Variants in SFT2D1 observed in about 807,000 individuals in gnomAD.
The protein encoded by SFT2D1 is vesicle transport protein SFT2A.
A neutral mutation model predicts 28.1 loss-of-function variants in SFT2D1; 24 were observed. The ratio of observed to expected loss-of-function variants is 0.85; its 90% CI spans 0.62 to 1.20. The LOEUF (loss-of-function observed/expected upper bound fraction) is 1.20, where lower values mean the gene tolerates loss of function less well. Ranked by LOEUF, SFT2D1 falls within the 50% of genes most tolerant of loss-of-function variation. The probability of loss-of-function intolerance (pLI) is 0.00; values close to 1 mark genes in which losing one functional copy is unlikely to be tolerated. For missense variants in SFT2D1, 181 were observed against 190.9 expected (o/e 0.95, Z 0.31); for synonymous variants, 82 against 73.7 (o/e 1.11, Z -0.58).
intron 4 of SFT2D1, 24 bp from the exon 5 acceptor site, chr6:166,326,191 T>C: frequency 6.2e-7 from 1 of 1,607,382 alleles, no homozygotes; most frequent in Non-Finnish European, 8.5e-7. Context: ...AAGAGTAGAT[T>C]ATAAGTTTGA....
chr6:166,324,796 A>G lies in SFT2D1; in HGVS notation c.352-201T>C, dbSNP rs1340451700. The G allele has an allele frequency of 7.3e-6, 4 of 548,462 alleles. 1 individual carries two copies. The South Asian group carries it at 1.0e-4, about 14-fold the overall frequency. 34.0% of individuals were successfully genotyped at this position (548,462 alleles called of 1,614,324 possible). Reference sequence around the variant, plus strand: ...ACATTTCCTTTCTAAAACTATATCCATTAATTTAAATACTGCAAAATATAT... The same window carrying G: ...ACATTTCCTTTCTAAAACTATATCCGTTAATTTAAATACTGCAAAATATAT... On this transcript the variant is annotated intron_variant, in intron 5 of 7. Coordinates refer to ENST00000361731, the MANE Select transcript of SFT2D1 (RefSeq NM_145169.3).
At chr6:166,324,869 T>C (rs1778416032) in intron 5 of SFT2D1, among the ~76,000 whole-genome samples, 1 of 152,244 alleles carries the variant, frequency 6.6e-6, no homozygotes, top group Non-Finnish European at 1.5e-5. Context: ...ACTGAAAACA[T>C]TAGACTTTTA....
intron 1 of SFT2D1, among the ~76,000 whole-genome samples, chr6:166,331,789 T>C (rs1385096098): frequency 3.9e-5 from 6 of 152,240 alleles, no homozygotes; most frequent in Non-Finnish European, 5.9e-5. Context: ...AATAAATGTA[T>C]ATAACTTTTA....
chr6:166,332,036 G>A (rs779867241), intron 1 of SFT2D1, among the ~76,000 whole-genome samples: 4 of 152,104 alleles, frequency 2.6e-5, no homozygotes, highest in Non-Finnish European at 5.9e-5. Flanking sequence ...GCCATCTTCC[G>A]TGTATTGATC....
At chr6:166,332,119 T>C (rs1369801311) in intron 1 of SFT2D1, among the ~76,000 whole-genome samples, 2 of 152,232 alleles carry the variant, frequency 1.3e-5, no homozygotes, top group Non-Finnish European at 2.9e-5. Context: ...GCAAATGATT[T>C]GTCTCAAGTC....
chr6:166,320,824 T>C (rs563586111), intron 7 of SFT2D1, among the ~76,000 whole-genome samples: 75 of 152,266 alleles, frequency 4.9e-4, no homozygotes, highest in African/African-American at 1.8e-3. Flanking sequence ...GCCCAAAGAT[T>C]TAATTTTTAA....
At chr6:166,337,002 C>G (rs190264158) in intron 1 of SFT2D1, among the ~76,000 whole-genome samples, 29 of 152,328 alleles carry the variant, frequency 1.9e-4, no homozygotes, top group Admixed American at 1.7e-3. Context: ...ATTCAGACCA[C>G]AGCACTGTGA....
intron 1 of SFT2D1, among the ~76,000 whole-genome samples, chr6:166,337,524 C>T (rs947840681): frequency 6.6e-6 from 1 of 152,050 alleles, no homozygotes; most frequent in Non-Finnish European, 1.5e-5. Context: ...TCTCCTCTGC[C>T]GCCTTAGCTC....
intron 1 of SFT2D1, chr6:166,334,909 C>T (rs1778617618): frequency 2.4e-6 from 1 of 421,368 alleles, no homozygotes; most frequent in Admixed American, 2.7e-5. Context: ...TTGCTGGCGG[C>T]ATTAAAGAAG....
At chr6:166,328,564 G>A (rs868199358) in intron 3 of SFT2D1, among the ~76,000 whole-genome samples, 4 of 151,652 alleles carry the variant, frequency 2.6e-5, no homozygotes, top group Admixed American at 6.6e-5. Context: ...TCTCCAAAAT[G>A]TAAGTGTCTT....
intron 7 of SFT2D1, among the ~76,000 whole-genome samples, 168 bp downstream of exon 7, chr6:166,322,689 C>CAAAAA (rs1159615099): frequency 5.5e-5 from 3 of 54,666 alleles, no homozygotes; most frequent in African/African-American, 1.2e-4. Flanking sequence ...GACTCTGTCT[C>CAAAAA]AAAAAAAAAA....
At chr6:166,339,584 C>T (rs1036590884) in intron 1 of SFT2D1, among the ~76,000 whole-genome samples, 3 of 152,084 alleles carry the variant, frequency 2.0e-5, no homozygotes, top group African/African-American at 7.2e-5. Flanking sequence ...GGCCTCTGAC[C>T]CCATCCAGCC....
At chr6:166,327,119 G>A (rs1000221317) in intron 4 of SFT2D1, among the ~76,000 whole-genome samples, 38 of 152,224 alleles carry the variant, frequency 2.5e-4, no homozygotes, top group African/African-American at 9.2e-4. Flanking sequence ...AGGCAGATTA[G>A]AGTTAACAAA....
chr6:166,330,288 C>T (rs1469991821), intron 1 of SFT2D1, 41 bp from the exon 2 acceptor site: 2 of 1,287,324 alleles, frequency 1.6e-6, no homozygotes, highest in Non-Finnish European at 2.2e-6. Flanking sequence ...AGTCTTAATT[C>T]ACTACCAATC....
chr6:166,342,117 T>C (rs984954278), intron 1 of SFT2D1, among the ~76,000 whole-genome samples: 7 of 151,604 alleles, frequency 4.6e-5, no homozygotes, highest in African/African-American at 1.7e-4. Flanking sequence ...GAAAACCAAA[T>C]AGTACGTGGG....
Position 166,342,464 on chromosome 6 carries a change from T to C in SFT2D1, c.18A>G (p.Arg6=), listed in dbSNP as rs2114920082. 1 of 1,556,930 alleles carries C rather than the reference T, an allele frequency of 6.4e-7. No homozygotes were observed. The highest frequency in any genetic ancestry group is 8.7e-7 in the Non-Finnish European group (1 of 1,150,986). The part of the protein sequence containing the change: MEKLR[R]VLSGQDDEEQ... ...CCTCGTCGTCCTGGCCGCTCAGGAC[T>C]CGCCGCAGCTTCTCCATGGCCCTGT... is the stretch of plus-strand genomic sequence containing the variant. Residue 6 remains arginine (R), a synonymous_variant, in exon 1 of 8, where the codon CGA becomes CGG. Transcript: ENST00000361731.
chr6:166,320,868 G>GT (rs1187531647), intron 7 of SFT2D1, among the ~76,000 whole-genome samples: 1 of 152,188 alleles, frequency 6.6e-6, no homozygotes, highest in Non-Finnish European at 1.5e-5. Context: ...GCTCACGCCT[G>GT]TAAGGCAGGT....
At position 166,342,488 on chromosome 6, in the gene SFT2D1, G is replaced by T. The variant is rs768370952; in HGVS notation, c.-7C>A. 1.3e-5 allele frequency: 20 copies of T among 1,548,696 alleles called. No homozygotes were observed. The highest frequency in any genetic ancestry group is 1.7e-5 in the Non-Finnish European group (19 of 1,146,782). On this transcript the variant is annotated 5_prime_UTR_variant, in exon 1 of 8. Transcript: ENST00000361731. ...CTCGCCGCAGCTTCTCCATGGCCCT[G>T]TTACAGGGCCGTAGCGGCCGCCACT...
chr6:166,338,917 G>C lies in SFT2D1; in HGVS notation c.63+3502C>G, dbSNP rs546798383. Among the ~76,000 whole-genome samples the C allele has an allele frequency of 4.6e-5, 7 of 152,242 alleles. No homozygotes were observed. The East Asian group carries it at 1.4e-3, about 30-fold the overall frequency. On this transcript the variant is annotated intron_variant, in intron 1 of 7. Transcript: ENST00000361731. ...CGGGGCTCAAAGCGCCTGCATAGGA[G>C]GATGATGCAGCCTGGATGTCAGGAT...
Sources: allele counts gnomAD v4.1 joint callset (sites outside exome capture counted in the v4.1 genomes callset), GRCh38; gene constraint gnomAD v4.1.1; transcripts MANE v1.5; gene names NCBI Gene and HGNC (gene_info 2026-07-23, HGNC 2026-07-21).